SPMIP2: variants seen among roughly 807,000 people sequenced by gnomAD.
SPMIP2 encodes protein SPMIP2.
the SPMIP2 span, among the ~76,000 whole-genome samples, chr4:158,918,301 C>A: frequency 6.6e-6 from 1 of 152,222 alleles, no homozygotes; most frequent in South Asian, 2.1e-4. Flanking sequence ...TCCGCTCCTG[C>A]CAGGCAGCTA....
At chr4:158,991,474 CTG>C in the SPMIP2 span, among the ~76,000 whole-genome samples, 1 of 152,174 alleles carries the variant, frequency 6.6e-6, no homozygotes, top group Non-Finnish European at 1.5e-5. Flanking sequence ...TGTAACAAGA[CTG>C]TGCTCAGAAA....
At chr4:158,923,067 C>A in the SPMIP2 span, among the ~76,000 whole-genome samples, 8 of 152,150 alleles carry the variant, frequency 5.3e-5, no homozygotes, top group Admixed American at 5.2e-4. Flanking sequence ...AGTTAGTTGA[C>A]CATAAATGTA....
chr4:159,034,982 G>T, the SPMIP2 span: 1 of 1,413,268 alleles, frequency 7.1e-7, no homozygotes, highest in Non-Finnish European at 9.9e-7. Flanking sequence ...ATATGTGAGA[G>T]AAAAAGCAAA....
At chr4:159,071,193 G>A in the SPMIP2 span, among the ~76,000 whole-genome samples, 1 of 152,188 alleles carries the variant, frequency 6.6e-6, no homozygotes, top group Non-Finnish European at 1.5e-5. Flanking sequence ...TTTGGAGGGA[G>A]GGGAAAATCT....
the SPMIP2 span, among the ~76,000 whole-genome samples, chr4:159,020,781 A>G: frequency 2.0e-5 from 3 of 152,066 alleles, no homozygotes; most frequent in Non-Finnish European, 4.4e-5. Context: ...TTTGTTGTTG[A>G]GACGGTGTCT....
the SPMIP2 span, chr4:159,064,333 A>G: frequency 2.0e-5 from 3 of 152,238 alleles, no homozygotes; most frequent in Admixed American, 2.0e-4. Context: ...GAAGAGGAGA[A>G]AGAGTAGAAC....
At chr4:159,061,400 G>A in the SPMIP2 span, among the ~76,000 whole-genome samples, 4 of 152,038 alleles carry the variant, frequency 2.6e-5, no homozygotes, top group Admixed American at 2.6e-4. Context: ...AACACTGTTG[G>A]CCCTTCACTG....
At chr4:158,911,845 G>A in the SPMIP2 span, among the ~76,000 whole-genome samples, 1 of 152,178 alleles carries the variant, frequency 6.6e-6, no homozygotes, top group African/African-American at 2.4e-5. Flanking sequence ...TGAAGTCTGT[G>A]TATTGGAATG....
chr4:158,966,394 G>A, the SPMIP2 span, among the ~76,000 whole-genome samples: 7 of 152,150 alleles, frequency 4.6e-5, no homozygotes, highest in South Asian at 2.1e-4. Flanking sequence ...CAGGATTAAC[G>A]CCAGATTTAG....
chr4:159,082,163 CAAAAAAAA>C, the SPMIP2 span, among the ~76,000 whole-genome samples: 1 of 102,638 alleles, frequency 9.7e-6, no homozygotes, highest in Non-Finnish European at 2.0e-5. Flanking sequence ...GCTAAGAATG[CAAAAAAAA>C]AAAAAAAAAA....
At chr4:158,903,158 C>T in the SPMIP2 span, among the ~76,000 whole-genome samples, 1 of 152,186 alleles carries the variant, frequency 6.6e-6, no homozygotes, top group African/African-American at 2.4e-5. Flanking sequence ...TCATGAAGAC[C>T]ATGGGAAAAG....
chr4:159,057,695 ATAT>A, the SPMIP2 span, among the ~76,000 whole-genome samples: 1 of 152,232 alleles, frequency 6.6e-6, no homozygotes, highest in African/African-American at 2.4e-5. Flanking sequence ...ACCAAATAAA[ATAT>A]TATAAATGTA....
chr4:159,064,419 GA>G, the SPMIP2 span: 1 of 152,084 alleles, frequency 6.6e-6, no homozygotes, highest in Admixed American at 6.6e-5. Flanking sequence ...ATTTTAATGT[GA>G]AAAATAGCAA....
chr4:158,988,171 A>C, the SPMIP2 span, among the ~76,000 whole-genome samples: 1 of 152,130 alleles, frequency 6.6e-6, no homozygotes, highest in Non-Finnish European at 1.5e-5. Flanking sequence ...GGGCACATAC[A>C]CCCTCCCAAG....
chr4:158,995,255 T>C, the SPMIP2 span, among the ~76,000 whole-genome samples: 3 of 152,164 alleles, frequency 2.0e-5, no homozygotes, highest in Non-Finnish European at 4.4e-5. Context: ...AGTCAAACTT[T>C]CCTGTGGACA....
At chr4:158,951,175 C>T in the SPMIP2 span, among the ~76,000 whole-genome samples, 1 of 152,192 alleles carries the variant, frequency 6.6e-6, no homozygotes, top group African/African-American at 2.4e-5. Context: ...TGCTGTAGTG[C>T]CTACCACCTA....
At chr4:158,986,439 A>T in the SPMIP2 span, among the ~76,000 whole-genome samples, 1,183 of 152,306 alleles carry the variant, frequency 7.8e-3, 18 homozygotes, top group African/African-American at 0.027. Context: ...AAACAGAGAT[A>T]TAGATCAATG....
At chr4:159,019,364 G>GTA in the SPMIP2 span, among the ~76,000 whole-genome samples, 1 of 148,876 alleles carries the variant, frequency 6.7e-6, no homozygotes, top group East Asian at 2.0e-4. Context: ...TCTCATAATT[G>GTA]CACAAGATTT....
the SPMIP2 span, among the ~76,000 whole-genome samples, chr4:159,017,543 A>T: frequency 1.3e-5 from 2 of 152,056 alleles, no homozygotes; most frequent in African/African-American, 4.8e-5. Context: ...CCTGGGCTCA[A>T]GTGATTCCTC....
Sources: allele counts gnomAD v4.1 joint callset (sites outside exome capture counted in the v4.1 genomes callset), GRCh38; gene constraint gnomAD v4.1.1; transcripts MANE v1.5; gene names NCBI Gene and HGNC (gene_info 2026-07-23, HGNC 2026-07-21).